UGT2B17: variants seen among roughly 807,000 people sequenced by gnomAD.
UGT2B17 encodes UDP glucuronosyltransferase family 2 member B17.
In UGT2B17, 21 loss-of-function variants were observed where a neutral mutation model predicts 48.2. The ratio of observed to expected loss-of-function variants is 0.44; its 90% confidence interval spans 0.31 to 0.63. The LOEUF (loss-of-function observed/expected upper bound fraction) is 0.63, where lower values mean the gene tolerates loss of function less well. Ranked by LOEUF, UGT2B17 falls within the 20% of genes least tolerant of loss-of-function variation. The pLI is 0.08. For synonymous variants in UGT2B17, 146 were observed against 238.4 expected, an observed-to-expected ratio of 0.61 and a Z score of 3.57; for missense variants, 402 against 696.1, an observed-to-expected ratio of 0.58 and a Z score of 4.75.
Position 68,562,235 on chromosome 4 carries a change from C to T in UGT2B17, c.874-1567G>A, listed in dbSNP as rs1297816657. ...GGTTCAAGCAATTCTCCTGCCTCAG[C>T]CTCCTGAGTAGCTGGGATTACAGGC... On this transcript the variant is annotated intron_variant, in intron 3 of 6. Coordinates refer to ENST00000317746, the MANE Select transcript of UGT2B17 (RefSeq NM_001077.4). Among the ~76,000 whole-genome samples the T allele has an allele frequency of 1.2e-4, 15 of 124,388 alleles. 3 individuals carry two copies. The highest frequency in any genetic ancestry group is 3.3e-4 in the African/African-American group (12 of 36,424). The allele number at this position is 124,388 out of a possible 152,430, so 81.6% of individuals were successfully genotyped here.
At chr4:68,549,958 T>C (rs1455606620) in intron 6 of UGT2B17, among the ~76,000 whole-genome samples, 1 of 126,022 alleles carries the variant, frequency 7.9e-6, no homozygotes, top group African/African-American at 2.7e-5. Flanking sequence ...ATGAATGAGT[T>C]CTGATACATC....
At position 68,558,965 on chromosome 4, in the gene UGT2B17, C is replaced by G. The variant is rs906744328; in HGVS notation, c.1005+1572G>C. 2.1e-4 allele frequency among the ~76,000 whole-genome samples: 26 copies of G among 125,164 alleles called. 5 individuals are homozygous for G. The highest frequency in any genetic ancestry group is 7.1e-4 in the African/African-American group (26 of 36,702). The allele number at this position is 125,164 out of a possible 152,430, so 82.1% of individuals were successfully genotyped here. ...TTTCTAAATGTACTGAGACCTGTATCAGATATTTGGGGTTCACAAGATTAT... is the reference window on the plus strand; with the variant it reads ...TTTCTAAATGTACTGAGACCTGTATGAGATATTTGGGGTTCACAAGATTAT... On this transcript the variant is annotated intron_variant, in intron 4 of 6. Transcript: ENST00000317746.
chr4:68,573,798 C>T lies in UGT2B17; in HGVS notation c.-65+2153G>A, dbSNP rs750962981. Among the ~76,000 whole-genome samples the T allele has an allele frequency of 1.1e-4, 14 of 126,996 alleles. 2 individuals carry two copies. The highest frequency in any genetic ancestry group is 1.8e-4 in the Non-Finnish European group (11 of 59,784). The allele number at this position is 126,996 out of a possible 152,430, so 83.3% of individuals were successfully genotyped here. On this transcript the variant is annotated intron_variant, in intron 1 of 6. Coordinates refer to ENST00000317746, the MANE Select transcript of UGT2B17 (RefSeq NM_001077.4). Reference sequence around the variant, plus strand: ...AAGCTCTTGAAAATTCTTAAGCTCACTGCATCCTTTTAGGTCTCCAAGGAA... The same window carrying T: ...AAGCTCTTGAAAATTCTTAAGCTCATTGCATCCTTTTAGGTCTCCAAGGAA...
In UGT2B17 at chr4:68,554,315, T is replaced by A. The variant is rs1191217658; in HGVS notation, c.1006-2404A>T. Among the ~76,000 whole-genome samples the A allele has an allele frequency of 1.6e-5, 2 of 126,166 alleles. 1 individual carries two copies. Among genetic ancestry groups the A allele is most frequent in the Non-Finnish European group, 3.4e-5 (2 of 59,494 alleles). The allele number at this position is 126,166 out of a possible 152,430, so 82.8% of individuals were successfully genotyped here. ...ATCCCCTGATATCGCCTGTTTGGAT[T>A]TATGACACCTCTACTTGGCAGAGTT... On this transcript the variant is annotated intron_variant, in intron 4 of 6. Transcript: ENST00000317746.
intron 6 of UGT2B17, among the ~76,000 whole-genome samples, chr4:68,545,537 A>T (rs867896347): frequency 7.9e-6 from 1 of 125,908 alleles, no homozygotes; most frequent in Non-Finnish European, 1.7e-5. Flanking sequence ...GAGCAAACAC[A>T]TTCAAAAGCT....
chr4:68,560,033 C>T (rs906795098), intron 4 of UGT2B17, among the ~76,000 whole-genome samples: 3 of 132,528 alleles, frequency 2.3e-5, no homozygotes, highest in African/African-American at 7.8e-5. Context: ...GCTAAATAGA[C>T]CTATTCCAAT....
At chr4:68,547,910 A>T (rs1400677110) in intron 6 of UGT2B17, among the ~76,000 whole-genome samples, 1 of 126,654 alleles carries the variant, frequency 7.9e-6, no homozygotes, top group Non-Finnish European at 1.7e-5. Context: ...GGCAATCATT[A>T]AAAAGTCAGG....
At position 68,549,711 on chromosome 4, in the gene UGT2B17, A is replaced by G; in HGVS notation, c.1313+966T>C. On this transcript the variant is annotated intron_variant, in intron 6 of 6. Coordinates refer to ENST00000317746, the MANE Select transcript of UGT2B17 (RefSeq NM_001077.4). The stretch of plus-strand genomic sequence containing the variant: ...CCTATCCAGCTGGTGGTAATGAAAA[A>G]TGATGCAAATACTTTGAAAAACAGT... Among the ~76,000 whole-genome samples the G allele has an allele frequency of 1.6e-5, 2 of 126,054 alleles. 1 individual carries two copies. The highest frequency in any genetic ancestry group is 1.6e-4 in the Admixed American group (2 of 12,240). The allele number at this position is 126,054 out of a possible 152,430, so 82.7% of individuals were successfully genotyped here. A position where few individuals can be genotyped will look rare whatever the true frequency, so the allele number is the denominator to read the frequency against.
At chr4:68,564,692 T>A (rs1731167208) in intron 3 of UGT2B17, among the ~76,000 whole-genome samples, 1 of 124,280 alleles carries the variant, frequency 8.0e-6, no homozygotes, top group South Asian at 3.8e-4. Context: ...AGACTTTACT[T>A]TTTTGTTTGT....
At chr4:68,569,333 AC>A (rs1168507509) in intron 1 of UGT2B17, among the ~76,000 whole-genome samples, 2 of 126,976 alleles carry the variant, frequency 1.6e-5, no homozygotes, top group African/African-American at 2.7e-5. Context: ...TCTCCAGAAT[AC>A]ACATCCCCAC....
At chr4:68,551,528 C>T (rs116766319) in intron 5 of UGT2B17, among the ~76,000 whole-genome samples, 4,648 of 123,590 alleles carry the variant, frequency 0.038, 1,014 homozygotes, top group African/African-American at 0.12. Context: ...TGTAAAGTTG[C>T]AGAAATAAGA....
rs1043090431 is a variant in UGT2B17 at position 68,538,975 on chromosome 4, T to G, written c.1314-1071A>C. 4.8e-5 allele frequency among the ~76,000 whole-genome samples: 6 copies of G among 126,144 alleles called. 2 individuals carry two copies. Among genetic ancestry groups the G allele is most frequent in the Non-Finnish European group, 1.0e-4 (6 of 59,680 alleles). The allele number at this position is 126,144 out of a possible 152,430, so 82.8% of individuals were successfully genotyped here. A position where few individuals can be genotyped will look rare whatever the true frequency, so the allele number is the denominator to read the frequency against. ...TTGAGGCTTCCCCTTAAATGATACC[T>G]CTTAGAGAGTGTTTTCCTGGCCACA... is the stretch of plus-strand genomic sequence containing the variant. On this transcript the variant is annotated intron_variant, in intron 6 of 6. Transcript: ENST00000317746.
chr4:68,559,581 T>C (rs1202680946), intron 4 of UGT2B17, among the ~76,000 whole-genome samples: 1 of 126,222 alleles, frequency 7.9e-6, no homozygotes, highest in African/African-American at 2.7e-5. Flanking sequence ...TTGTATTTGA[T>C]ATGGGAGTGT....
At chr4:68,549,835 T>C (rs1730883565) in intron 6 of UGT2B17, among the ~76,000 whole-genome samples, 1 of 125,468 alleles carries the variant, frequency 8.0e-6, no homozygotes, top group African/African-American at 2.7e-5. Context: ...ACACAGAAAA[T>C]ATGTATAACA....
chr4:68,564,294 A>ATATATTTTTTTTT (rs1366181355), intron 3 of UGT2B17, among the ~76,000 whole-genome samples: 1 of 75,782 alleles, frequency 1.3e-5, no homozygotes, highest in African/African-American at 5.1e-5. Flanking sequence ...ATATATATAT[A>ATATATTTTTTTTT]TTTTTTTTTT....
At chr4:68,555,150 T>G (rs1730979466) in intron 4 of UGT2B17, among the ~76,000 whole-genome samples, 1 of 126,056 alleles carries the variant, frequency 7.9e-6, no homozygotes, top group African/African-American at 2.7e-5. Context: ...GCATTAAGAC[T>G]TGCCAGCATA....
rs1560581285 is a variant in UGT2B17, at chr4:68,565,684, G to A, written c.761C>T (p.Ala254Val). 1 of 1,364,162 alleles carries A rather than the reference G, an allele frequency of 7.3e-7. No individual in the cohort carries two copies. The highest frequency in any genetic ancestry group is 9.6e-7 in the Non-Finnish European group (1 of 1,047,014). 84.5% of individuals were successfully genotyped at this position (1,364,162 alleles called of 1,614,324 possible). The change falls in exon 3 of 7, where the codon GCT becomes GTT. Residue 254 changes from alanine to valine, a missense_variant. By Grantham distance (64) the Ala-to-Val change is moderately conservative (BLOSUM62 0). Transcript: ENST00000317746. ...ATAGGTTCGAATGAGCCACATTTCA[G>A]CTTTCCCCATTGTCTCAAATAATGT... ...PTTLFETMGK[A>V]EMWLIRTYWD...
At chr4:68,552,078 A>G (rs1730925798) in intron 4 of UGT2B17, among the ~76,000 whole-genome samples, 167 bp from the exon 5 acceptor site, 2 of 126,918 alleles carry the variant, frequency 1.6e-5, no homozygotes, top group South Asian at 3.6e-4. Flanking sequence ...TAAGCTGAAT[A>G]CCCACATTTA....
chr4:68,540,198 T>C (rs1475126961), intron 6 of UGT2B17, among the ~76,000 whole-genome samples: 1 of 126,950 alleles, frequency 7.9e-6, no homozygotes, highest in Non-Finnish European at 1.7e-5. Flanking sequence ...CACACACACA[T>C]ATAACACATA....
Sources: allele counts gnomAD v4.1 joint callset (sites outside exome capture counted in the v4.1 genomes callset), GRCh38; gene constraint gnomAD v4.1.1; transcripts MANE v1.5; gene names NCBI Gene and HGNC (gene_info 2026-07-23, HGNC 2026-07-21).